Variants in CAP1 observed in about 807,000 individuals in gnomAD.
The protein encoded by CAP1 is cyclase associated actin cytoskeleton regulatory protein 1, also known as adenylyl cyclase-associated protein 1.
CAP1 carries 11 observed loss-of-function variants against 58.2 expected under a neutral mutation model. That is an observed-to-expected ratio of 0.19 (90% CI 0.12 to 0.31). The LOEUF is 0.31. CAP1 is among the 10% of genes least tolerant of loss of function. The pLI, the probability that CAP1 is intolerant of heterozygous loss-of-function variation, is 1.00. For missense variants in CAP1, 423 were observed against 587.5 expected (o/e 0.72, Z 2.89); for synonymous variants, 183 against 213.8 (o/e 0.86, Z 1.26).
rs748248338 is a variant in CAP1, at chr1:40,066,276, T to C, written c.586T>C (p.Tyr196His). The change falls in exon 7 of 13, where the codon TAC becomes CAC. Residue 196 changes from tyrosine to histidine, a missense_variant. Coordinates refer to ENST00000372805, the MANE Select transcript of CAP1 (RefSeq NM_006367.4). ...YLSIWTELQA[Y>H]IKEFHTTGLA... ...AAGTATATGGACAGAGCTGCAGGCT[T>C]ACATTAAGGAGTTCCATACCACCGG... 7 of 1,612,144 alleles carry C rather than the reference T, an allele frequency of 4.3e-6. No individual in the cohort carries two copies. Among genetic ancestry groups the C allele is most frequent in the Non-Finnish European group, 5.9e-6 (7 of 1,178,498 alleles).
At chr1:40,040,720 G>C (rs1226401872), upstream of CAP1, 3 of 152,878 alleles carry the variant, frequency 2.0e-5, no homozygotes, top group African/African-American at 7.2e-5. Flanking sequence ...CCCGGAAGTG[G>C]GTCGCGCGGA....
At chr1:40,053,725 G>A (rs540120866) in intron 1 of CAP1, among the ~76,000 whole-genome samples, 222 of 152,294 alleles carry the variant, frequency 1.5e-3, no homozygotes, top group African/African-American at 5.1e-3. Context: ...GTGATTACAG[G>A]CATGAGCCAC....
At position 40,053,596 on chromosome 1, in the gene CAP1, C is replaced by A. The variant is rs536435130; in HGVS notation, c.-10-5741C>A. ...CCAAGTAGCTGGGATTACAGGCATG[C>A]ACCGCTACTCCAGGCTAATTTTGTA... On this transcript the variant is annotated intron_variant, in intron 1 of 12. Coordinates refer to ENST00000372805, the MANE Select transcript of CAP1 (RefSeq NM_006367.4). 2.6e-5 allele frequency among the ~76,000 whole-genome samples: 4 copies of A among 152,144 alleles called. No individual in the cohort carries two copies. In the South Asian group the frequency reaches 8.4e-4, roughly 32 times the overall value.
intron 1 of CAP1, chr1:40,041,406 C>CG (rs1463882733): frequency 6.6e-6 from 1 of 152,072 alleles, no homozygotes; most frequent in Non-Finnish European, 1.5e-5. Flanking sequence ...AAAAGAAAGG[C>CG]GGGCACATCC....
chr1:40,064,152 G>A, intron 4 of CAP1, 75 bp from the exon 5 acceptor site: 2 of 1,457,724 alleles, frequency 1.4e-6, no homozygotes, highest in South Asian at 1.2e-5. Context: ...GAGAATTCTT[G>A]CCTTCAGGAT....
chr1:40,060,072 G>A lies in CAP1; in HGVS notation c.118G>A (p.Ala40Thr), dbSNP rs770501155. The A allele has an allele frequency of 1.2e-6, 2 of 1,612,622 alleles. No homozygotes were observed. Among genetic ancestry groups the A allele is most frequent in the East Asian group, 4.5e-5 (2 of 44,870 alleles). The change falls in exon 3 of 13, where the codon GCA (alanine) becomes ACA (threonine). Residue 40 changes from alanine to threonine, a missense_variant. Physicochemically the swap from Ala to Thr is moderately conservative, Grantham distance 58. Coordinates refer to ENST00000372805, the MANE Select transcript of CAP1 (RefSeq NM_006367.4). ...TGTGGTGTGTTTGTCTTTAGCAGGA[G>A]CAGCTCCATATGTGCAGGCATTTGA... ...GYADSPSKAGAAPYVQAFDSL... is the reference protein window; with the variant it reads ...GYADSPSKAGTAPYVQAFDSL...
chr1:40,062,772 A>G (rs936432930), intron 4 of CAP1, among the ~76,000 whole-genome samples: 9 of 20,942 alleles, frequency 4.3e-4, no homozygotes, highest in East Asian at 2.0e-3. Flanking sequence ...CTCAAAAAAC[A>G]TTGTGTGTGT....
intron 1 of CAP1, among the ~76,000 whole-genome samples, chr1:40,046,456 C>T (rs1028967085): frequency 1.5e-5 from 2 of 136,388 alleles, no homozygotes; most frequent in East Asian, 4.3e-4. Context: ...GAGCAAGACT[C>T]CGTCTCAAAA....
At position 40,069,806 on chromosome 1, in the gene CAP1, C is replaced by G. The variant is rs1647478472; in HGVS notation, c.925C>G (p.Pro309Ala). The G allele has an allele frequency of 6.2e-7, 1 of 1,600,180 alleles. No individual in the cohort carries two copies. Among genetic ancestry groups the G allele is most frequent in the African/African-American group, 1.3e-5 (1 of 74,596 alleles). ...CTCTGCACCTAAACCCCAAACCAGCCCATCCCCCAAACGAGCCACAAAGAA... is the reference window on the plus strand; with the variant it reads ...CTCTGCACCTAAACCCCAAACCAGCGCATCCCCCAAACGAGCCACAAAGAA... ...PFSAPKPQTS[P>A]SPKRATKKEP... Residue 309 changes from proline (P) to alanine (A), a missense_variant, in exon 9 of 13, where the codon CCA (proline) becomes GCA (alanine). Pro to Ala is a conservative substitution (Grantham distance 27). Transcript: ENST00000372805.
chr1:40,046,379 C>T (rs550156065), intron 1 of CAP1, among the ~76,000 whole-genome samples: 19 of 152,016 alleles, frequency 1.2e-4, no homozygotes, highest in African/African-American at 2.2e-4. Flanking sequence ...CACTTGAACC[C>T]GGGGAGGTGG....
intron 1 of CAP1, among the ~76,000 whole-genome samples, chr1:40,050,971 C>T (rs542069041): frequency 6.6e-6 from 1 of 152,272 alleles, no homozygotes; most frequent in Non-Finnish European, 1.5e-5. Flanking sequence ...TCCATGCAGG[C>T]TAACCCACTC....
intron 1 of CAP1, among the ~76,000 whole-genome samples, chr1:40,051,578 TG>T (rs1557678167): frequency 6.6e-6 from 1 of 152,124 alleles, no homozygotes; most frequent in Non-Finnish European, 1.5e-5. Context: ...TTTTTTGTTT[TG>T]TTTTTTTGTT....
chr1:40,063,310 T>C (rs554513318), intron 4 of CAP1, among the ~76,000 whole-genome samples: 1 of 152,316 alleles, frequency 6.6e-6, no homozygotes, highest in South Asian at 2.1e-4. Context: ...CCTGAATAGC[T>C]GGGACTACAG....
chr1:40,050,504 C>A (rs1304294660), intron 1 of CAP1, among the ~76,000 whole-genome samples: 3 of 103,746 alleles, frequency 2.9e-5, no homozygotes, highest in African/African-American at 1.1e-4. Flanking sequence ...ACTAAAAATA[C>A]AAAAATTCGC....
chr1:40,044,591 T>C (rs1645994604), intron 1 of CAP1, among the ~76,000 whole-genome samples: 1 of 152,096 alleles, frequency 6.6e-6, no homozygotes, highest in African/African-American at 2.4e-5. Context: ...AATTCTGAAC[T>C]CTTTTTTCCA....
rs779825684 is a variant in CAP1 at position 40,070,999 on chromosome 1, T to C, written c.1344+20T>C. ...GACTTTGTAAGTTTCTTGATCTCTT[T>C]AGTATGATGTTAAAAACAGAAGGGA... On this transcript the variant is annotated intron_variant, in intron 12 of 12. Transcript: ENST00000372805. 1 of 1,590,168 alleles carries C rather than the reference T, an allele frequency of 6.3e-7. No individual in the cohort carries two copies.
intron 8 of CAP1, among the ~76,000 whole-genome samples, chr1:40,068,826 TTTTTA>T (rs71719361): frequency 0.54 from 81,050 of 150,730 alleles, 23,453 homozygotes; most frequent in Non-Finnish European, 0.66. Flanking sequence ...TTACTTTTAT[TTTTTA>T]TTTTATTTTA....
chr1:40,070,745 G>C, intron 11 of CAP1, 91 bp from the exon 12 acceptor site: 1 of 1,075,942 alleles, frequency 9.3e-7, no homozygotes, highest in South Asian at 1.4e-5. Flanking sequence ...TCATGTAGTT[G>C]CTGAGTCACG....
intron 3 of CAP1, among the ~76,000 whole-genome samples, chr1:40,061,374 G>C (rs960338740): frequency 2.6e-5 from 4 of 152,188 alleles, no homozygotes; most frequent in African/African-American, 9.7e-5. Context: ...CAATTTTTGA[G>C]AAAAGAAAGG....
Sources: allele counts gnomAD v4.1 joint callset (sites outside exome capture counted in the v4.1 genomes callset), GRCh38; gene constraint gnomAD v4.1.1; transcripts MANE v1.5; gene names NCBI Gene and HGNC (gene_info 2026-07-23, HGNC 2026-07-21).